The following ELOVL5 variants were observed in gnomAD, a reference collection of about 807,000 sequenced individuals.
ELOVL5 encodes the protein very long chain fatty acid elongase 5.
Under a neutral mutation model 38.6 loss-of-function variants are expected in ELOVL5, and 8 were observed. That is an observed-to-expected ratio of 0.21 (90% CI 0.12 to 0.37). The LOEUF is 0.37. ELOVL5 is among the 10% of genes least tolerant of loss of function. ELOVL5 has a pLI of 1.00. For synonymous variants in ELOVL5, 127 were observed against 133.7 expected (o/e 0.95, Z 0.34); for missense variants, 280 against 367.8 (o/e 0.76, Z 1.95).
At chr6:53,309,402 T>C (rs1767731479) in intron 1 of ELOVL5, among the ~76,000 whole-genome samples, 1 of 152,160 alleles carries the variant, frequency 6.6e-6, no homozygotes, top group Admixed American at 6.5e-5. Flanking sequence ...GAACACTGGT[T>C]GAGAAACGTG....
intron 1 of ELOVL5, among the ~76,000 whole-genome samples, chr6:53,309,529 C>T (rs1038552943): frequency 1.3e-5 from 2 of 152,152 alleles, no homozygotes; most frequent in Non-Finnish European, 2.9e-5. Context: ...CTATGGGAGG[C>T]AGAGTCTAAG....
chr6:53,335,104 C>T (rs890177284), intron 1 of ELOVL5, among the ~76,000 whole-genome samples: 1 of 152,306 alleles, frequency 6.6e-6, no homozygotes, highest in Non-Finnish European at 1.5e-5. Flanking sequence ...ACAGGATTTG[C>T]ATCCACTTCT....
Position 53,284,849 on chromosome 6 carries a change from T to C in ELOVL5, c.246+6927A>G, listed in dbSNP as rs924541455. ...CGATCTGTGTGTGGTTACTGAACTT[T>C]GATGTTACCATTGTAATTGTTTTGA... On this transcript the variant is annotated intron_variant, in intron 3 of 7. Coordinates refer to ENST00000304434, the MANE Select transcript of ELOVL5 (RefSeq NM_021814.5). Among the ~76,000 whole-genome samples, 4 of 152,316 alleles carry C rather than the reference T, an allele frequency of 2.6e-5. No individual in the cohort carries two copies. In the South Asian group the frequency reaches 8.3e-4, roughly 32 times the overall value.
At chr6:53,322,350 A>C (rs1393794101) in intron 1 of ELOVL5, among the ~76,000 whole-genome samples, 1 of 152,236 alleles carries the variant, frequency 6.6e-6, no homozygotes, top group Non-Finnish European at 1.5e-5. Flanking sequence ...GTTTCGCAGA[A>C]GACAGGCTAT....
rs759103784 is a variant in ELOVL5, at chr6:53,275,216, A to C, written c.370T>G (p.Phe124Val). ...AGGATGAAGAAGAAAGTGTCCATAA[A>C]TTCTATGAGTTTGGAGAAGTAGTAC... ...WWYYFSKLIE[F>V]MDTFFFILRK... The change falls in exon 5 of 8, where the codon TTT becomes GTT. Residue 124 changes from phenylalanine (F) to valine (V), a missense_variant. This residue lies in a region of ELOVL5 where 150 missense variants were observed against 178.0 expected (regional missense o/e 0.84). Transcript: ENST00000304434. The C allele has an allele frequency of 3.1e-6, 5 of 1,614,190 alleles. No individual in the cohort carries two copies. Among genetic ancestry groups the C allele is most frequent in the Middle Eastern group, 1.6e-4 (1 of 6,062 alleles).
intron 1 of ELOVL5, among the ~76,000 whole-genome samples, chr6:53,328,359 C>A (rs1472382962): frequency 6.6e-6 from 1 of 152,106 alleles, no homozygotes; most frequent in East Asian, 1.9e-4. Context: ...CTCAACTGTA[C>A]TGGTACCTGA....
chr6:53,274,336 T>C (rs988089686), intron 5 of ELOVL5, among the ~76,000 whole-genome samples: 1 of 152,162 alleles, frequency 6.6e-6, no homozygotes, highest in African/African-American at 2.4e-5. Context: ...TTTTTTTTTT[T>C]CCTAGCTCTG....
Position 53,291,907 on chromosome 6 carries a change from A to T in ELOVL5, c.115T>A (p.Ser39Thr), listed in dbSNP as rs1266317181. The change falls in exon 3 of 8, where the codon TCT becomes ACT. Residue 39 changes from serine to threonine, a missense_variant. Around this residue, in one of 3 missense-constraint regions of ELOVL5, gnomAD observed 150 missense variants for 178.0 expected, o/e 0.84. Coordinates refer to ENST00000304434, the MANE Select transcript of ELOVL5 (RefSeq NM_021814.5). ...LDNYIPTFIC[S>T]VIYLLIVWLG... ...CATACAATTAGTAAATATATGACAG[A>T]GCAGATAAATGTGGGTATATAATTG... is the stretch of plus-strand genomic sequence containing the variant. 1 of 1,611,452 alleles carries T rather than the reference A, an allele frequency of 6.2e-7. No homozygotes were observed. Among genetic ancestry groups the T allele is most frequent in the South Asian group, 1.1e-5 (1 of 90,794 alleles).
At position 53,289,682 on chromosome 6, in the gene ELOVL5, T is replaced by C. The variant is rs184202591; in HGVS notation, c.246+2094A>G. Among the ~76,000 whole-genome samples, 522 of 152,324 alleles carry C rather than the reference T, an allele frequency of 3.4e-3. 2 individuals are homozygous for C. The highest frequency in any genetic ancestry group is 3.7e-3 in the Non-Finnish European group (253 of 68,028). On this transcript the variant is annotated intron_variant, in intron 3 of 7. Coordinates refer to ENST00000304434, the MANE Select transcript of ELOVL5 (RefSeq NM_021814.5). Reference sequence around the variant, plus strand: ...TTGCAGTGAGCCGAGATGGCGCCACTGCACTCCAGCCTGGGCGACAAGAGT... The same window carrying C: ...TTGCAGTGAGCCGAGATGGCGCCACCGCACTCCAGCCTGGGCGACAAGAGT...
At chr6:53,302,413 G>A (rs952844715) in intron 1 of ELOVL5, among the ~76,000 whole-genome samples, 1 of 152,214 alleles carries the variant, frequency 6.6e-6, no homozygotes, top group Non-Finnish European at 1.5e-5. Context: ...AACAGAACAT[G>A]AGGGGATGGG....
chr6:53,270,806 C>A (rs1765891297), intron 6 of ELOVL5, 79 bp from the exon 7 acceptor site: 1 of 1,549,362 alleles, frequency 6.5e-7, no homozygotes, highest in Non-Finnish European at 8.8e-7. Context: ...TTTTAACCAG[C>A]ATCACCTAAA....
chr6:53,311,636 A>G (rs1767837518), intron 1 of ELOVL5, among the ~76,000 whole-genome samples: 2 of 152,190 alleles, frequency 1.3e-5, no homozygotes, highest in African/African-American at 4.8e-5. Context: ...CATACAATGG[A>G]ATGTTATTTG....
At chr6:53,329,225 C>T (rs948249906) in intron 1 of ELOVL5, among the ~76,000 whole-genome samples, 5 of 151,840 alleles carry the variant, frequency 3.3e-5, no homozygotes, top group South Asian at 2.1e-4. Context: ...ACTGCTACTA[C>T]GAGATTACTT....
intron 1 of ELOVL5, among the ~76,000 whole-genome samples, chr6:53,327,725 G>A (rs1486287293): frequency 1.3e-5 from 2 of 152,046 alleles, no homozygotes; most frequent in African/African-American, 4.8e-5. Flanking sequence ...TTTTTTAAAA[G>A]TCCCTCTTCA....
chr6:53,304,380 A>C lies in ELOVL5; in HGVS notation c.-8-8673T>G, dbSNP rs183168783. 4.4e-3 allele frequency among the ~76,000 whole-genome samples: 664 copies of C among 152,328 alleles called. 8 individuals are homozygous for C. The highest frequency in any genetic ancestry group is 0.015 in the African/African-American group (641 of 41,572). ...AAGACACTTTGTAAAGTGTGAGCCC[A>C]TAAAAAACAAAAACAGAAACAAAAA... On this transcript the variant is annotated intron_variant, in intron 1 of 7. Transcript: ENST00000304434.
chr6:53,302,196 G>A (rs1025739239), intron 1 of ELOVL5, among the ~76,000 whole-genome samples: 1 of 152,190 alleles, frequency 6.6e-6, no homozygotes. Context: ...TGCTCATGTG[G>A]AAAATCCATC....
chr6:53,272,509 CAT>C (rs1396534038), intron 6 of ELOVL5, among the ~76,000 whole-genome samples: 1 of 152,166 alleles, frequency 6.6e-6, no homozygotes, highest in Non-Finnish European at 1.5e-5. Context: ...GAGTACCCAA[CAT>C]GTGCTAAACA....
Position 53,291,893 on chromosome 6 carries a change from T to C in ELOVL5, c.129A>G (p.Leu43=). 2 of 1,612,874 alleles carry C rather than the reference T, an allele frequency of 1.2e-6. No homozygotes were observed. Among genetic ancestry groups the C allele is most frequent in the Non-Finnish European group, 1.7e-6 (2 of 1,178,898 alleles). Residue 43 remains leucine (L), a synonymous_variant, in exon 3 of 8, where the codon TTA becomes TTG. Transcript: ENST00000304434. ...ATTTTGGTCCCAGCCATACAATTAG[T>C]AAATATATGACAGAGCAGATAAATG... ...IPTFICSVIY[L]LIVWLGPKYM... is the part of the protein sequence containing the mutation.
intron 1 of ELOVL5, among the ~76,000 whole-genome samples, chr6:53,306,215 G>A (rs1242942733): frequency 8.4e-5 from 1 of 11,864 alleles, no homozygotes; most frequent in Non-Finnish European, 1.3e-4. Flanking sequence ...AGAAAGGGGA[G>A]AGGGGAGAGG....
Sources: gnomAD v4.1 joint callset for allele counts (sites outside exome capture counted in the v4.1 genomes callset) on GRCh38, gnomAD v4.1.1 for gene constraint, gnomAD v4.1.1 regional missense constraint, MANE v1.5 for transcripts, NCBI Gene and HGNC (gene_info 2026-07-23, HGNC 2026-07-21) for gene names.